DNAH3: variants seen among roughly 807,000 people sequenced by gnomAD.
DNAH3 encodes the protein dynein axonemal heavy chain 3, also known as axonemal beta dynein heavy chain 3.
In DNAH3, 332 loss-of-function variants were observed where a neutral mutation model predicts 432.5. That is an observed-to-expected ratio of 0.77 (90% CI 0.70 to 0.84). DNAH3 has a LOEUF of 0.84. Ranked by LOEUF, DNAH3 falls within the 40% of genes least tolerant of loss-of-function variation. The pLI is 0.00. For missense variants in DNAH3, 4,861 were observed against 5,114.0 expected, an observed-to-expected ratio of 0.95 and a Z score of 1.51; for synonymous variants, 1,956 against 1,900.2, an observed-to-expected ratio of 1.03 and a Z score of -0.76.
At chr16:20,997,137 C>G in intron 44 of DNAH3, 146 bp downstream of exon 44, 2 of 683,252 alleles carry the variant, frequency 2.9e-6, no homozygotes, top group South Asian at 4.1e-5. Context: ...CAACATGAAG[C>G]CTGTAGCCTA....
intron 31 of DNAH3, among the ~76,000 whole-genome samples, chr16:21,043,954 C>G (rs1357957811): frequency 2.4e-5 from 2 of 82,676 alleles, no homozygotes; most frequent in East Asian, 3.9e-4. Context: ...GCTTGTTTTT[C>G]TCAGGTTTGT....
Position 21,071,727 on chromosome 16 carries a change from AT to A in DNAH3, c.3085-902del, listed in dbSNP as rs72216670. Among the ~76,000 whole-genome samples the A allele has an allele frequency of 1.8e-4, 27 of 151,690 alleles. No homozygotes were observed. In the East Asian group the frequency reaches 4.5e-3, roughly 25 times the overall value. On this transcript the variant is annotated intron_variant, in intron 21 of 61. Coordinates refer to ENST00000261383, the Ensembl canonical transcript of DNAH3. ...ACATAGCAAGACCCCATCTCTAAAA[AT>A]TTTTTTTTTAAAAAGACATTTATTG...
At chr16:21,122,308 A>G (rs2152813435) in intron 9 of DNAH3, among the ~76,000 whole-genome samples, 184 bp from the exon 11 acceptor site, 1 of 152,314 alleles carries the variant, frequency 6.6e-6, no homozygotes, top group East Asian at 1.9e-4. Flanking sequence ...TAATCCCAGC[A>G]CTTTGGGAGG....
At chr16:21,124,908 C>T (rs527258767) in intron 9 of DNAH3, among the ~76,000 whole-genome samples, 5 of 152,264 alleles carry the variant, frequency 3.3e-5, no homozygotes, top group Non-Finnish European at 5.9e-5. Flanking sequence ...CCTTGGCCTC[C>T]CAAAGTGCTG....
intron 39 of DNAH3, among the ~76,000 whole-genome samples, 177 bp from the exon 40 acceptor site, chr16:21,022,277 G>T (rs2088278051): frequency 6.6e-6 from 1 of 152,116 alleles, no homozygotes; most frequent in Non-Finnish European, 1.5e-5. Context: ...CTCCTTCAGG[G>T]TCCTAAGACT....
At position 21,104,904 on chromosome 16, in the gene DNAH3, C is replaced by T. The variant is rs113478653; in HGVS notation, c.2285-352G>A. 7.4e-4 allele frequency among the ~76,000 whole-genome samples: 113 copies of T among 152,336 alleles called. 1 individual carries two copies. The highest frequency in any genetic ancestry group is 6.8e-3 in the Middle Eastern group (2 of 294). On this transcript the variant is annotated intron_variant, in intron 15 of 61. Coordinates refer to ENST00000261383, the Ensembl canonical transcript of DNAH3. ...AATTCCAAAGCCTGTGTTCTAACCTCTCTGCTTGATTGCCTTCCTAGGCTA... is the reference window on the plus strand; with the variant it reads ...AATTCCAAAGCCTGTGTTCTAACCTTTCTGCTTGATTGCCTTCCTAGGCTA...
At chr16:21,063,481 T>A (rs931487045) in intron 24 of DNAH3, among the ~76,000 whole-genome samples, 1 of 149,392 alleles carries the variant, frequency 6.7e-6, no homozygotes, top group Admixed American at 6.7e-5. Flanking sequence ...TATTTATTTT[T>A]TTATTTTATT....
At chr16:20,959,782 G>A (rs1007435881) in intron 53 of DNAH3, among the ~76,000 whole-genome samples, 1 of 152,074 alleles carries the variant, frequency 6.6e-6, no homozygotes, top group Non-Finnish European at 1.5e-5. Flanking sequence ...GGCAGATGAA[G>A]CTACCATCAA....
chr16:21,039,862 C>A, exon 33 of DNAH3: 1 of 1,612,488 alleles, frequency 6.2e-7, no homozygotes, highest in East Asian at 2.2e-5. Flanking sequence ...CTTCTGGAGT[C>A]CAGAAACCCC....
Position 21,098,789 on chromosome 16 carries a change from G to C in DNAH3, c.2367-20C>G. ...GAGCATCTGAAAATAAAGACAGCCT[G>C]GTTACCTTTGGACTTTGCATTTTGT... is the stretch of plus-strand genomic sequence containing the variant. On this transcript the variant is annotated intron_variant, in intron 16 of 61. Coordinates refer to ENST00000261383, the Ensembl canonical transcript of DNAH3. 6.2e-7 allele frequency: 1 copy of C among 1,604,118 alleles called. No individual in the cohort carries two copies. The highest frequency in any genetic ancestry group is 8.5e-7 in the Non-Finnish European group (1 of 1,176,756).
intron 3 of DNAH3, among the ~76,000 whole-genome samples, chr16:21,142,008 G>A (rs796328545): frequency 7.9e-5 from 12 of 152,020 alleles, no homozygotes; most frequent in South Asian, 2.1e-4. Flanking sequence ...AGCCGAGATC[G>A]TGCCACTGCA....
At chr16:21,090,355 A>C (rs2091493865) in intron 18 of DNAH3, among the ~76,000 whole-genome samples, 2 of 148,754 alleles carry the variant, frequency 1.3e-5, no homozygotes, top group South Asian at 4.2e-4. Context: ...TGATACAAAA[A>C]CCACACAGAT....
At chr16:20,978,936 G>A (rs560417178) in intron 50 of DNAH3, among the ~76,000 whole-genome samples, 17 of 151,840 alleles carry the variant, frequency 1.1e-4, no homozygotes, top group African/African-American at 3.9e-4. Flanking sequence ...AGATAAATTT[G>A]GGCCCAGATC....
chr16:20,980,208 T>A (rs1225038226), intron 49 of DNAH3, among the ~76,000 whole-genome samples: 1 of 108,900 alleles, frequency 9.2e-6, no homozygotes, highest in Admixed American at 1.0e-4. Flanking sequence ...ATATATTTAT[T>A]TATATTATTT....
chr16:21,098,128 G>A (rs2091735676), intron 17 of DNAH3, among the ~76,000 whole-genome samples: 1 of 152,118 alleles, frequency 6.6e-6, no homozygotes, highest in Admixed American at 6.6e-5. Context: ...TGTCATGAAG[G>A]GATATGGGAA....
intron 53 of DNAH3, among the ~76,000 whole-genome samples, chr16:20,961,686 C>T (rs578146945): frequency 6.6e-5 from 10 of 150,510 alleles, no homozygotes; most frequent in South Asian, 6.3e-4. Flanking sequence ...AGAGAGGCCT[C>T]GAAAGAAACC....
exon 45 of DNAH3, chr16:20,987,974 G>A (rs1232879924): frequency 6.2e-7 from 1 of 1,614,166 alleles, no homozygotes; most frequent in Admixed American, 1.7e-5. Flanking sequence ...CTTTCCCGAA[G>A]TGCCAGTCAA....
At chr16:21,118,790 T>A (rs939988220) in intron 11 of DNAH3, among the ~76,000 whole-genome samples, 1 of 152,144 alleles carries the variant, frequency 6.6e-6, no homozygotes, top group East Asian at 1.9e-4. Flanking sequence ...GTCTAGTCAC[T>A]CTAACTCCCT....
chr16:21,037,697 CACA>C (rs1051342300), intron 34 of DNAH3, 61 bp downstream of exon 34: 49 of 1,458,506 alleles, frequency 3.4e-5, no homozygotes, highest in East Asian at 6.9e-5. Context: ...AGGCACCAAA[CACA>C]ACATTTCATC....
Sources: gnomAD v4.1 joint callset for allele counts (sites outside exome capture counted in the v4.1 genomes callset) on GRCh38, gnomAD v4.1.1 for gene constraint, MANE v1.5 for transcripts, NCBI Gene and HGNC (gene_info 2026-07-23, HGNC 2026-07-21) for gene names.